Variants in KCTD16 observed in about 807,000 individuals in gnomAD.
KCTD16 encodes potassium channel tetramerization domain containing 16, also known as BTB/POZ domain-containing protein KCTD16.
KCTD16 carries 13 observed loss-of-function variants against 33.2 expected under a neutral mutation model. The ratio of observed to expected loss-of-function variants is 0.39; its 90% confidence interval spans 0.25 to 0.62. The LOEUF is 0.62. Ranked by LOEUF, KCTD16 falls within the 20% of genes least tolerant of loss-of-function variation. KCTD16 has a pLI of 0.50. For synonymous variants in KCTD16, 197 were observed against 195.3 expected (o/e 1.01, Z -0.07); for missense variants, 441 against 525.1 (o/e 0.84, Z 1.57).
intron 3 of KCTD16, among the ~76,000 whole-genome samples, chr5:144,255,515 A>G (rs1754820861): frequency 6.6e-6 from 1 of 152,222 alleles, no homozygotes; most frequent in African/African-American, 2.4e-5. Flanking sequence ...TTTTAATGAT[A>G]TGCATCCTGG....
At chr5:144,214,438 A>T (rs546501379) in intron 3 of KCTD16, among the ~76,000 whole-genome samples, 3 of 152,294 alleles carry the variant, frequency 2.0e-5, no homozygotes, top group African/African-American at 7.2e-5. Flanking sequence ...TAATTGTCTT[A>T]CAACTGCTCT....
In KCTD16 at chr5:144,420,016, C is replaced by T. The variant is rs572792211; in HGVS notation, c.833-53644C>T. Among the ~76,000 whole-genome samples the T allele has an allele frequency of 2.7e-3, 406 of 152,174 alleles. 1 individual carries two copies. The highest frequency in any genetic ancestry group is 8.8e-3 in the Admixed American group (134 of 15,272). On this transcript the variant is annotated intron_variant, in intron 3 of 3. Transcript: ENST00000512467. Reference sequence around the variant, plus strand: ...TACAATTCTTCCATGGGCTTATATTCATTTATTTATGTATTTAATAATATT... The same window carrying T: ...TACAATTCTTCCATGGGCTTATATTTATTTATTTATGTATTTAATAATATT...
intron 3 of KCTD16, among the ~76,000 whole-genome samples, chr5:144,340,946 G>A (rs1181770179): frequency 6.6e-6 from 1 of 152,080 alleles, no homozygotes; most frequent in African/African-American, 2.4e-5. Context: ...GCTACTAGGT[G>A]AGGCAGGAGA....
intron 3 of KCTD16, among the ~76,000 whole-genome samples, chr5:144,302,984 A>G (rs890135636): frequency 1.3e-5 from 2 of 152,212 alleles, no homozygotes; most frequent in African/African-American, 4.8e-5. Flanking sequence ...AATCATTTCT[A>G]TATTGTACAG....
At chr5:144,402,395 G>A (rs369102335) in intron 3 of KCTD16, among the ~76,000 whole-genome samples, 6 of 152,076 alleles carry the variant, frequency 3.9e-5, no homozygotes, top group East Asian at 1.9e-4. Context: ...TGCACCCTTC[G>A]TAGGCCAGGC....
At chr5:144,375,713 C>A (rs1369077035) in intron 3 of KCTD16, among the ~76,000 whole-genome samples, 1 of 152,120 alleles carries the variant, frequency 6.6e-6, no homozygotes, top group Non-Finnish European at 1.5e-5. Flanking sequence ...TTGGTGTTCC[C>A]ATTTGAAAAT....
At chr5:144,192,297 C>G (rs1752857744) in intron 2 of KCTD16, among the ~76,000 whole-genome samples, 1 of 152,170 alleles carries the variant, frequency 6.6e-6, no homozygotes, top group Non-Finnish European at 1.5e-5. Context: ...CTTTGATGAT[C>G]TTGACATGAA....
At chr5:144,465,924 C>G (rs181251930) in intron 3 of KCTD16, among the ~76,000 whole-genome samples, 1 of 151,866 alleles carries the variant, frequency 6.6e-6, no homozygotes, top group Non-Finnish European at 1.5e-5. Context: ...CTTCAACCTC[C>G]GCCTCCCGGG....
At chr5:144,426,300 TC>T (rs1753327773) in intron 3 of KCTD16, among the ~76,000 whole-genome samples, 1 of 152,172 alleles carries the variant, frequency 6.6e-6, no homozygotes, top group African/African-American at 2.4e-5. Flanking sequence ...TGAGACATCA[TC>T]AGAACAGCCT....
chr5:144,340,869 G>A (rs1752619036), intron 3 of KCTD16, among the ~76,000 whole-genome samples: 1 of 148,862 alleles, frequency 6.7e-6, no homozygotes, highest in Non-Finnish European at 1.5e-5. Flanking sequence ...GACCAACATG[G>A]TGAAACCCCG....
Position 144,407,019 on chromosome 5 carries a change from G to A in KCTD16, c.833-66641G>A, listed in dbSNP as rs75113699. The stretch of plus-strand genomic sequence containing the variant: ...GTGGAACTTGGTTCCCTTGGCCCTG[G>A]GATGAGAGGAACAAACAAGAAGAAG... On this transcript the variant is annotated intron_variant, in intron 3 of 3. Transcript: ENST00000512467. Among the ~76,000 whole-genome samples, 529 of 152,140 alleles carry A rather than the reference G, an allele frequency of 3.5e-3. 2 individuals carry two copies. Among genetic ancestry groups the A allele is most frequent in the African/African-American group, 0.012 (510 of 41,506 alleles).
intron 3 of KCTD16, among the ~76,000 whole-genome samples, chr5:144,345,241 T>C (rs1282370197): frequency 1.3e-5 from 2 of 148,518 alleles, no homozygotes; most frequent in African/African-American, 4.9e-5. Flanking sequence ...CATTAGGAGA[T>C]ATACCTAATG....
chr5:144,334,984 T>G (rs1405252245), intron 3 of KCTD16, among the ~76,000 whole-genome samples: 1 of 152,106 alleles, frequency 6.6e-6, no homozygotes, highest in Non-Finnish European at 1.5e-5. Flanking sequence ...CTCACTATGT[T>G]GCCCAGGCCA....
rs1024390005 is a variant in KCTD16 at position 144,479,867 on chromosome 5, C to T, written c.*5753C>T. On this transcript the variant is annotated 3_prime_UTR_variant, in exon 4 of 4. Transcript: ENST00000512467. ...TGCCTGGCCTAGCAACTATCAAGGG[C>T]TTGTCCTGGAGGAGGGTGGGGGTAA... The T allele has an allele frequency of 2.0e-5, 3 of 151,900 alleles. No homozygotes were observed. Among genetic ancestry groups the T allele is most frequent in the African/African-American group, 7.2e-5 (3 of 41,382 alleles). The allele number at this position is 151,900 out of a possible 1,614,324, so 9.4% of individuals were successfully genotyped here. A position where few individuals can be genotyped will look rare whatever the true frequency, so the allele number is the denominator to read the frequency against.
chr5:144,322,459 C>A (rs1003916894), intron 3 of KCTD16, among the ~76,000 whole-genome samples: 3 of 151,934 alleles, frequency 2.0e-5, no homozygotes, highest in Non-Finnish European at 4.4e-5. Flanking sequence ...CTTGGAGTGA[C>A]TGACACCCAG....
rs1754761065 is a variant in KCTD16, at chr5:144,484,339, C to G, written c.*10225C>G. On this transcript the variant is annotated 3_prime_UTR_variant, in exon 4 of 4. Coordinates refer to ENST00000512467, the MANE Select transcript of KCTD16 (RefSeq NM_020768.4). The stretch of plus-strand genomic sequence containing the variant: ...AATAGAATCTGCTTTAAATGAGTCA[C>G]TCCTTAGACTGGCAATGACACCCAG... 6.6e-6 allele frequency: 1 copy of G among 151,882 alleles called. No homozygotes were observed. Among genetic ancestry groups the G allele is most frequent in the Non-Finnish European group, 1.5e-5 (1 of 67,896 alleles). The allele number at this position is 151,882 out of a possible 1,614,324, so 9.4% of individuals were successfully genotyped here. A position where few individuals can be genotyped will look rare whatever the true frequency, so the allele number is the denominator to read the frequency against.
intron 3 of KCTD16, among the ~76,000 whole-genome samples, chr5:144,323,447 A>G (rs551310333): frequency 9.2e-5 from 14 of 152,300 alleles, no homozygotes; most frequent in Non-Finnish European, 2.1e-4. Flanking sequence ...TCATGATACA[A>G]ATCTAAATCC....
chr5:144,359,940 C>T (rs988336767), intron 3 of KCTD16, among the ~76,000 whole-genome samples: 1 of 152,030 alleles, frequency 6.6e-6, no homozygotes, highest in African/African-American at 2.4e-5. Context: ...TCAAATTCCT[C>T]AAAGGTGACA....
At chr5:144,365,123 A>G (rs1194901115) in intron 3 of KCTD16, among the ~76,000 whole-genome samples, 1 of 151,938 alleles carries the variant, frequency 6.6e-6, no homozygotes, top group African/African-American at 2.4e-5. Context: ...AAGCCTTTCA[A>G]TTTGTTATTT....
Sources: gnomAD v4.1 joint callset for allele counts (sites outside exome capture counted in the v4.1 genomes callset) on GRCh38, gnomAD v4.1.1 for gene constraint, MANE v1.5 for transcripts, NCBI Gene and HGNC (gene_info 2026-07-23, HGNC 2026-07-21) for gene names.